Variants in ARID1B observed in about 807,000 individuals in gnomAD.
The protein encoded by ARID1B is AT-rich interaction domain 1B, also known as AT-rich interactive domain-containing protein 1B.
In ARID1B, 30 loss-of-function variants were observed where a neutral mutation model predicts 212.3. That is an observed-to-expected ratio of 0.14 (90% CI 0.11 to 0.19). ARID1B has a LOEUF of 0.19. ARID1B is among the 10% of genes least tolerant of loss of function. ARID1B has a pLI of 1.00. For missense variants in ARID1B, 2,891 were observed against 3,204.0 expected (o/e 0.90, Z 2.36); for synonymous variants, 1,402 against 1,301.7 (o/e 1.08, Z -1.66).
intron 11 of ARID1B, 88 bp downstream of exon 11, chr6:157,175,093 CT>C: frequency 2.7e-6 from 3 of 1,096,048 alleles, no homozygotes; most frequent in Non-Finnish European, 3.6e-6. Flanking sequence ...TGAATGCTTG[CT>C]TGTTTATTTG....
At chr6:156,935,647 T>C in intron 4 of ARID1B, 71 bp downstream of exon 4, 2 of 1,321,030 alleles carry the variant, frequency 1.5e-6, no homozygotes, top group Non-Finnish European at 2.1e-6. Context: ...TTGTTTTTGT[T>C]TGTTCTACTT....
At position 156,778,328 on chromosome 6, in the gene ARID1B, C is replaced by G. The variant is rs542974447; in HGVS notation, c.648C>G (p.Pro216=). The G allele has an allele frequency of 5.2e-6, 8 of 1,542,880 alleles. No homozygotes were observed. In the African/African-American group the frequency reaches 9.6e-5, roughly 19 times the overall value. The stretch of plus-strand genomic sequence containing the variant: ...AGCAGCAGCAGCAACAGCAACATCC[C>G]ATTTCCAACAACAACAGCTTGGGCG... ...QQQQQQQQQH[P]ISNNNSLGGA... Residue 216 remains proline (P), a synonymous_variant, in exon 1 of 20, where the codon CCC becomes CCG. Transcript: ENST00000636930.
intron 4 of ARID1B, among the ~76,000 whole-genome samples, chr6:157,055,856 GT>G (rs1259200581): frequency 6.6e-6 from 1 of 152,098 alleles, no homozygotes; most frequent in African/African-American, 2.4e-5. Context: ...GAGTTCTAAG[GT>G]TCCCACCATC....
intron 4 of ARID1B, among the ~76,000 whole-genome samples, chr6:157,061,604 T>G (rs1435540197): frequency 6.6e-6 from 1 of 152,148 alleles, no homozygotes; most frequent in African/African-American, 2.4e-5. Flanking sequence ...CCAGTTATAG[T>G]TGAATTTCAC....
intron 1 of ARID1B, among the ~76,000 whole-genome samples, chr6:156,816,864 C>G (rs754334342): frequency 2.5e-4 from 38 of 151,978 alleles, no homozygotes; most frequent in Non-Finnish European, 4.4e-4. Context: ...TTTTCGGACC[C>G]CTTTATGTCC....
At chr6:156,923,899 C>T (rs1196483446) in intron 3 of ARID1B, among the ~76,000 whole-genome samples, 2 of 151,886 alleles carry the variant, frequency 1.3e-5, no homozygotes, top group Non-Finnish European at 2.9e-5. Context: ...GGTTTCACCG[C>T]GTTGGCCAGG....
In ARID1B at chr6:157,084,908, AT is replaced by A; in HGVS notation, c.2491+6del. The A allele has an allele frequency of 6.3e-7, 1 of 1,598,376 alleles. No individual in the cohort carries two copies. The highest frequency in any genetic ancestry group is 1.3e-5 in the African/African-American group (1 of 74,254). ...AATCTCTCCTGCAAGTATCCCAGGT[AT>A]TTACTTTCCTGACAATTATTATTTT... On this transcript the variant is annotated splice_donor_region_variant and intron_variant, in intron 5 of 19. Transcript: ENST00000636930.
chr6:156,913,207 TTTTC>T lies in ARID1B; in HGVS notation c.2136+11686_2136+11689del, dbSNP rs575214454. Among the ~76,000 whole-genome samples the T allele has an allele frequency of 2.1e-3, 269 of 126,880 alleles. 2 individuals carry two copies. Among genetic ancestry groups the T allele is most frequent in the African/African-American group, 8.6e-3 (251 of 29,162 alleles). 83.2% of individuals were successfully genotyped at this position (126,880 alleles called of 152,430 possible). On this transcript the variant is annotated intron_variant, in intron 3 of 19. Transcript: ENST00000636930. ...GGAACGCTTTACATCCACTCAACAT[TTTTC>T]TTTTTCTTTTTTTTTTTTTTTTTGA...
In ARID1B at chr6:157,094,585, C is replaced by T. The variant is rs942244105; in HGVS notation, c.2491+9680C>T. On this transcript the variant is annotated intron_variant, in intron 5 of 19. Transcript: ENST00000636930. The surrounding 1 kb of genome is among the most constrained non-coding windows in gnomAD (Gnocchi z 4.3). ...GGCCAGGCTGGTCTCGAACTCCTGA[C>T]CTCTCGAAATCTGCCCATGTTGGCC... is the stretch of plus-strand genomic sequence containing the variant. Among the ~76,000 whole-genome samples the T allele has an allele frequency of 6.6e-6, 1 of 152,148 alleles. No individual in the cohort carries two copies. The highest frequency in any genetic ancestry group is 2.1e-4 in the South Asian group (1 of 4,828).
intron 15 of ARID1B, chr6:157,193,367 T>C (rs970023255): frequency 6.6e-6 from 1 of 152,252 alleles, no homozygotes; most frequent in African/African-American, 2.4e-5. Flanking sequence ...TATGAACTTT[T>C]TTTTTAGTTT....
chr6:157,194,759 T>C (rs1793603334), intron 15 of ARID1B: 1 of 152,234 alleles, frequency 6.6e-6, no homozygotes, highest in African/African-American at 2.4e-5. Context: ...GGAACTAACT[T>C]TGTATACATA....
At chr6:157,193,010 C>G (rs973363133) in intron 15 of ARID1B, among the ~76,000 whole-genome samples, 2 of 152,184 alleles carry the variant, frequency 1.3e-5, no homozygotes, top group African/African-American at 4.8e-5. Flanking sequence ...AATATTAGCC[C>G]TCAGTAGCCC....
At chr6:157,012,920 C>T (rs995713189) in intron 4 of ARID1B, among the ~76,000 whole-genome samples, 5 of 146,040 alleles carry the variant, frequency 3.4e-5, no homozygotes, top group Admixed American at 2.8e-4. Flanking sequence ...GCTCTTGTTG[C>T]CCAGGCTGGA....
chr6:157,179,728 G>A (rs997652408), intron 11 of ARID1B, among the ~76,000 whole-genome samples: 4 of 152,180 alleles, frequency 2.6e-5, no homozygotes, highest in African/African-American at 4.8e-5. Flanking sequence ...GGAGAATCAC[G>A]TGTTAGTTAA....
At position 156,897,218 on chromosome 6, in the gene ARID1B, G is replaced by GCTGCTT. The variant is rs1554264583; in HGVS notation, c.1987-4156_1987-4155insGCTTCT. ...TGCTGCTGCTGCTGCTGCTGCTGCT[G>GCTGCTT]CTTCTTCTTCTTCTTCTTCTTCTTC... On this transcript the variant is annotated intron_variant, in intron 2 of 19. Transcript: ENST00000636930. Among the ~76,000 whole-genome samples the GCTGCTT allele has an allele frequency of 5.6e-3, 512 of 91,248 alleles. 6 individuals carry two copies. The highest frequency in any genetic ancestry group is 0.023 in the East Asian group (63 of 2,726). The allele number at this position is 91,248 out of a possible 152,430, so 59.9% of individuals were successfully genotyped here.
At chr6:157,181,371 C>G (rs1792520053) in intron 12 of ARID1B, among the ~76,000 whole-genome samples, 193 bp downstream of exon 12, 1 of 152,160 alleles carries the variant, frequency 6.6e-6, no homozygotes, top group Admixed American at 6.5e-5. Flanking sequence ...GCCACCAACT[C>G]GCAGCGTGAC....
rs1365936846 is a variant in ARID1B at position 156,803,378 on chromosome 6, TA to T, written c.1791+23908del. 2.0e-5 allele frequency among the ~76,000 whole-genome samples: 3 copies of T among 152,170 alleles called. No homozygotes were observed. In the East Asian group the frequency reaches 5.8e-4, roughly 29 times the overall value. On this transcript the variant is annotated intron_variant, in intron 1 of 19. Transcript: ENST00000636930. ...TGCAAAGATTGTAGTTGCTGTTACT[TA>T]CCTTTTTAAGAGAGAACCAAAATAT...
chr6:156,861,697 C>G (rs1361274866), intron 2 of ARID1B, among the ~76,000 whole-genome samples: 1 of 152,146 alleles, frequency 6.6e-6, no homozygotes, highest in African/African-American at 2.4e-5. Flanking sequence ...ATACACCTTC[C>G]CACGGAACCT....
chr6:157,023,949 T>G (rs1472795598), intron 4 of ARID1B: 1 of 152,242 alleles, frequency 6.6e-6, no homozygotes, highest in Non-Finnish European at 1.5e-5. Context: ...TCTCAGGTTA[T>G]TTATTCTTTA....
Sources: gnomAD v4.1 joint callset for allele counts (sites outside exome capture counted in the v4.1 genomes callset) on GRCh38, gnomAD v4.1.1 for gene constraint, Gnocchi (gnomAD v3.1) non-coding constraint, MANE v1.5 for transcripts, NCBI Gene and HGNC (gene_info 2026-07-23, HGNC 2026-07-21) for gene names.